B4GALT1: variants seen among roughly 807,000 people sequenced by gnomAD.
B4GALT1 encodes the protein N-acetyllactosamine synthase.
B4GALT1 carries 16 observed loss-of-function variants against 34.9 expected under a neutral mutation model. The ratio of observed to expected loss-of-function variants is 0.46; its 90% CI spans 0.31 to 0.70. The LOEUF is 0.70. B4GALT1 is among the 30% of genes least tolerant of loss of function. The probability of loss-of-function intolerance (pLI) is 0.05; values close to 1 mark genes in which losing one functional copy is unlikely to be tolerated. For synonymous variants in B4GALT1, 221 were observed against 218.1 expected (o/e 1.01, Z -0.12); for missense variants, 445 against 530.5 (o/e 0.84, Z 1.58).
rs185132010 is a variant in B4GALT1, at chr9:33,139,203, G to A, written c.413-3779C>T. Among the ~76,000 whole-genome samples, 8 of 152,290 alleles carry A rather than the reference G, an allele frequency of 5.3e-5. 1 individual carries two copies. The South Asian group carries it at 1.2e-3, about 24-fold the overall frequency. ...AAGGAGGAGTGGGTTGAGGTAGGGA[G>A]GGAGGATGGACAAGACAAATCCTGC... On this transcript the variant is annotated intron_variant, in intron 1 of 5. Transcript: ENST00000379731.
the B4GALT1 span, among the ~76,000 whole-genome samples, chr9:33,184,971 G>T: frequency 2.6e-5 from 4 of 152,280 alleles, no homozygotes; most frequent in South Asian, 4.1e-4. Context: ...ATGATAGAGA[G>T]CAAACATGTC....
downstream of B4GALT1, among the ~76,000 whole-genome samples, chr9:33,105,880 G>GTTTTTTTTTTT (rs35330697): frequency 4.1e-4 from 35 of 85,738 alleles, 1 homozygote; most frequent in Non-Finnish European, 4.9e-4. Flanking sequence ...GGACTCGTGG[G>GTTTTTTTTTTT]TTTTTTTTTT....
At chr9:33,145,125 G>GA (rs1032906388) in intron 1 of B4GALT1, among the ~76,000 whole-genome samples, 3 of 152,170 alleles carry the variant, frequency 2.0e-5, no homozygotes, top group African/African-American at 7.2e-5. Context: ...TCTGTGCTCA[G>GA]AAACAGTCTG....
intron 1 of B4GALT1, among the ~76,000 whole-genome samples, chr9:33,140,978 G>A (rs7865745): frequency 0.37 from 56,474 of 152,056 alleles, 11,198 homozygotes; most frequent in East Asian, 0.6. Context: ...AAGGGCTTCA[G>A]TCTAACAAAT....
intron 1 of B4GALT1, among the ~76,000 whole-genome samples, chr9:33,152,309 A>AATAACATAACATAAC (rs370702963): frequency 3.7e-3 from 449 of 122,062 alleles, no homozygotes; most frequent in Admixed American, 8.8e-3. Context: ...CTCTCCAAAA[A>AATAACATAACATAAC]ATAACATAAC....
At chr9:33,158,128 C>G (rs1175627161) in intron 1 of B4GALT1, among the ~76,000 whole-genome samples, 2 of 152,118 alleles carry the variant, frequency 1.3e-5, no homozygotes, top group Non-Finnish European at 2.9e-5. Context: ...GGTTTTCCCC[C>G]CCACTCGCCA....
At chr9:33,139,535 T>C (rs1840318303) in intron 1 of B4GALT1, among the ~76,000 whole-genome samples, 1 of 152,178 alleles carries the variant, frequency 6.6e-6, no homozygotes, top group Admixed American at 6.5e-5. Flanking sequence ...GCCCCAGACC[T>C]GGCGTTGAAT....
chr9:33,143,857 C>T (rs535260585), intron 1 of B4GALT1, among the ~76,000 whole-genome samples: 14 of 151,516 alleles, frequency 9.2e-5, no homozygotes, highest in South Asian at 4.2e-4. Flanking sequence ...ATAATAACTA[C>T]GTTGGGACCC....
intron 1 of B4GALT1, among the ~76,000 whole-genome samples, chr9:33,148,323 C>CA (rs1377470005): frequency 6.6e-6 from 1 of 152,038 alleles, no homozygotes; most frequent in African/African-American, 2.4e-5. Context: ...ATTAGTTTGG[C>CA]AAAAAATAGG....
At chr9:33,123,147 G>A (rs753313379) in intron 2 of B4GALT1, among the ~76,000 whole-genome samples, 7 of 151,860 alleles carry the variant, frequency 4.6e-5, no homozygotes, top group African/African-American at 1.2e-4. Flanking sequence ...GTGTGGTGGC[G>A]GGCGCCTGGA....
intron 1 of B4GALT1, among the ~76,000 whole-genome samples, chr9:33,139,718 G>A (rs1040783348): frequency 3.3e-5 from 5 of 152,362 alleles, no homozygotes; most frequent in Admixed American, 2.6e-4. Context: ...ATGCAGACCT[G>A]CGACCAGGTT....
chr9:33,104,836 T>C lies in B4GALT1; in HGVS notation c.649-55A>G. 3 of 432,738 alleles carry C rather than the reference T, an allele frequency of 6.9e-6. No homozygotes were observed. In the East Asian group the frequency reaches 2.2e-4, roughly 31 times the overall value. The allele number at this position is 432,738 out of a possible 1,614,324, so 26.8% of individuals were successfully genotyped here. ...CATCATTTTACCTTTTTTTTTTTTT[T>C]TGAGACAGTCTCACTCTGTTGCCCA... On this transcript the variant is annotated intron_variant, in intron 2 of 2. Transcript: ENST00000535206.
chr9:33,172,618 T>C, the B4GALT1 span, among the ~76,000 whole-genome samples: 1 of 152,202 alleles, frequency 6.6e-6, no homozygotes, highest in Non-Finnish European at 1.5e-5. Flanking sequence ...GTTTCACAGG[T>C]ATATTCCTCA....
Position 33,167,125 on chromosome 9 carries a change from T to G in B4GALT1, c.45A>C (p.Pro15=). Residue 15 remains proline, a synonymous_variant, in exon 1 of 6, where the codon CCA becomes CCC. Coordinates refer to ENST00000379731, the MANE Select transcript of B4GALT1 (RefSeq NM_001497.4). ...GGCAGGCCCGCTGTAGGGACGCGCC[T>G]GGCATCGCGGCGCTGCCGCTCAGGA... ...EPLLSGSAAM[P]GASLQRACRL... The G allele has an allele frequency of 1.9e-6, 3 of 1,602,960 alleles. No individual in the cohort carries two copies. Among genetic ancestry groups the G allele is most frequent in the Non-Finnish European group, 2.5e-6 (3 of 1,177,122 alleles).
intron 4 of B4GALT1, among the ~76,000 whole-genome samples, chr9:33,114,455 A>G (rs1462883901): frequency 6.6e-6 from 1 of 152,238 alleles, no homozygotes; most frequent in Non-Finnish European, 1.5e-5. Flanking sequence ...GCTAAGTCAC[A>G]GAGGCCTTCT....
At chr9:33,180,759 G>A in the B4GALT1 span, among the ~76,000 whole-genome samples, 47 of 152,250 alleles carry the variant, frequency 3.1e-4, no homozygotes, top group Middle Eastern at 3.4e-3. Flanking sequence ...GGGGAGGAAC[G>A]AATCTTCCCC....
intron 2 of B4GALT1, among the ~76,000 whole-genome samples, chr9:33,126,129 G>T (rs977536295): frequency 1.3e-5 from 2 of 152,194 alleles, no homozygotes; most frequent in African/African-American, 4.8e-5. Flanking sequence ...AGATCCGGGG[G>T]CAGGTCTGCA....
chr9:33,142,068 C>G (rs927512973), intron 1 of B4GALT1, among the ~76,000 whole-genome samples: 1 of 152,124 alleles, frequency 6.6e-6, no homozygotes. Flanking sequence ...CTACAACCTC[C>G]GCCTCCTGGG....
chr9:33,104,715 C>T (rs1247281840), exon 3 of B4GALT1: 22 of 454,548 alleles, frequency 4.8e-5, no homozygotes, highest in Non-Finnish European at 7.9e-5. Context: ...CCACCATGCG[C>T]TGCCACCTCC....
Sources: allele counts gnomAD v4.1 joint callset (sites outside exome capture counted in the v4.1 genomes callset), GRCh38; gene constraint gnomAD v4.1.1; transcripts MANE v1.5; gene names NCBI Gene and HGNC (gene_info 2026-07-23, HGNC 2026-07-21).